Variants in FRMD4A observed in about 807,000 individuals in gnomAD.
FRMD4A encodes FERM domain containing 4A, also known as FERM domain-containing protein 4A.
In FRMD4A, 29 loss-of-function variants were observed where a neutral mutation model predicts 129.1. The ratio of observed to expected loss-of-function variants is 0.22; its 90% confidence interval spans 0.17 to 0.31. FRMD4A has a LOEUF of 0.31. FRMD4A is among the 10% of genes least tolerant of loss of function. FRMD4A has a pLI of 1.00. For synonymous variants in FRMD4A, 634 were observed against 571.6 expected, an observed-to-expected ratio of 1.11 and a Z score of -1.56; for missense variants, 1,272 against 1,375.8, an observed-to-expected ratio of 0.92 and a Z score of 1.19.
At chr10:14,289,735 C>G (rs1002830193) in intron 2 of FRMD4A, among the ~76,000 whole-genome samples, 1 of 152,062 alleles carries the variant, frequency 6.6e-6, no homozygotes. Context: ...TTATTAAATG[C>G]AATATAGGAA....
intron 14 of FRMD4A, among the ~76,000 whole-genome samples, chr10:13,698,567 T>C (rs1434472423): frequency 1.3e-5 from 2 of 152,212 alleles, no homozygotes; most frequent in Admixed American, 6.5e-5. Context: ...TTTTAGAGAA[T>C]TTAAACTTCA....
At chr10:13,763,242 T>C (rs527886421) in intron 6 of FRMD4A, among the ~76,000 whole-genome samples, 46 of 152,328 alleles carry the variant, frequency 3.0e-4, no homozygotes, top group African/African-American at 1.1e-3. Flanking sequence ...TGTTTGTTAA[T>C]GTTATTAATC....
intron 2 of FRMD4A, among the ~76,000 whole-genome samples, chr10:14,299,425 G>T (rs947246659): frequency 6.6e-6 from 1 of 152,102 alleles, no homozygotes; most frequent in African/African-American, 2.4e-5. Context: ...TCCCATGGAG[G>T]GGTACCTGCT....
chr10:13,975,770 T>TGC (rs386361672), intron 2 of FRMD4A, among the ~76,000 whole-genome samples: 3,689 of 152,180 alleles, frequency 0.024, 117 homozygotes, highest in East Asian at 0.12. Context: ...TGTGTGTGTG[T>TGC]ACACACCTTC....
At chr10:14,168,925 C>T (rs971422347) in intron 2 of FRMD4A, among the ~76,000 whole-genome samples, 1 of 151,010 alleles carries the variant, frequency 6.6e-6, no homozygotes, top group East Asian at 2.0e-4. Context: ...GTCCTGTAGC[C>T]CTCAACAGTC....
intron 2 of FRMD4A, among the ~76,000 whole-genome samples, chr10:14,231,346 G>GTTTT (rs34532314): frequency 7.0e-6 from 1 of 142,656 alleles, no homozygotes; most frequent in African/African-American, 2.6e-5. Context: ...TCTCATTGTG[G>GTTTT]TTTTTTTTTT....
intron 3 of FRMD4A, among the ~76,000 whole-genome samples, chr10:13,846,422 G>T (rs951802506): frequency 2.6e-5 from 4 of 152,240 alleles, no homozygotes; most frequent in Non-Finnish European, 1.5e-5. Flanking sequence ...GATCCCCGCA[G>T]AGCCTCCCTG....
At chr10:13,671,285 C>G (rs1427278089) in intron 16 of FRMD4A, among the ~76,000 whole-genome samples, 1 of 152,060 alleles carries the variant, frequency 6.6e-6, no homozygotes, top group East Asian at 1.9e-4. Context: ...GAAACCCTGT[C>G]TCTACTAAAA....
chr10:14,293,639 T>C (rs572102745), intron 2 of FRMD4A, among the ~76,000 whole-genome samples: 66 of 149,744 alleles, frequency 4.4e-4, no homozygotes, highest in Middle Eastern at 3.5e-3. Context: ...AAACAAGCAA[T>C]GCCCGTTGAC....
At chr10:14,186,878 G>T (rs566846098) in intron 2 of FRMD4A, among the ~76,000 whole-genome samples, 11 of 152,104 alleles carry the variant, frequency 7.2e-5, no homozygotes, top group Admixed American at 1.3e-4. Flanking sequence ...ACAGCACTTT[G>T]GGAGGCCAGG....
intron 16 of FRMD4A, among the ~76,000 whole-genome samples, chr10:13,674,346 T>C (rs1334607392): frequency 6.6e-6 from 1 of 152,214 alleles, no homozygotes; most frequent in Non-Finnish European, 1.5e-5. Context: ...GGAGATGCTT[T>C]ATGAACCACC....
chr10:14,292,961 G>A (rs2132077618), intron 2 of FRMD4A, among the ~76,000 whole-genome samples: 1 of 152,264 alleles, frequency 6.6e-6, no homozygotes, highest in East Asian at 1.9e-4. Context: ...TAAGAAGAGT[G>A]AATACATAAG....
intron 4 of FRMD4A, among the ~76,000 whole-genome samples, chr10:13,800,241 T>A (rs1354174114): frequency 6.6e-6 from 1 of 152,110 alleles, no homozygotes; most frequent in Admixed American, 6.6e-5. Context: ...GTTTTCAACA[T>A]TTACAGAAAT....
intron 15 of FRMD4A, among the ~76,000 whole-genome samples, chr10:13,681,588 A>G (rs944063105): frequency 1.3e-5 from 2 of 152,120 alleles, no homozygotes; most frequent in South Asian, 2.1e-4. Flanking sequence ...GTATATATAT[A>G]TATTTTTGTA....
At chr10:13,704,907 C>CA (rs771166757) in intron 13 of FRMD4A, among the ~76,000 whole-genome samples, 14,191 of 127,222 alleles carry the variant, frequency 0.11, 725 homozygotes, top group Non-Finnish European at 0.12. Context: ...CCAGTCTCTC[C>CA]AAAAAAAAAA....
intron 15 of FRMD4A, among the ~76,000 whole-genome samples, chr10:13,679,314 G>GC (rs2084268431): frequency 6.7e-6 from 1 of 148,172 alleles, no homozygotes; most frequent in African/African-American, 2.5e-5. Context: ...TGTAATCCCA[G>GC]CCAGTTGGGT....
At position 13,659,646 on chromosome 10, in the gene FRMD4A, C is replaced by T. The variant is rs375813092; in HGVS notation, c.1899-156G>A. On this transcript the variant is annotated intron_variant, in intron 20 of 24. Coordinates refer to ENST00000357447, the MANE Select transcript of FRMD4A (RefSeq NM_018027.5). ...ACCTCTACTGTGGTTCTCAGCCTTT[C>T]CCCAGCAGGGGGTATGCCCTCCCCC... Among the ~76,000 whole-genome samples the T allele has an allele frequency of 3.5e-4, 54 of 152,270 alleles. No homozygotes were observed. The South Asian group carries it at 0.011, about 31-fold the overall frequency.
At chr10:14,097,226 CTCTA>C (rs990650563) in intron 2 of FRMD4A, 7 of 147,362 alleles carry the variant, frequency 4.8e-5, no homozygotes, top group African/African-American at 1.7e-4. Context: ...GCTATGGATT[CTCTA>C]TCTATAGTAA....
intron 2 of FRMD4A, among the ~76,000 whole-genome samples, chr10:14,194,377 G>A (rs1011068000): frequency 1.8e-4 from 27 of 152,308 alleles, no homozygotes; most frequent in South Asian, 1.4e-3. Flanking sequence ...TTGAGAGGCC[G>A]AGGCGGGCGG....
Sources: allele counts gnomAD v4.1 joint callset (sites outside exome capture counted in the v4.1 genomes callset), GRCh38; gene constraint gnomAD v4.1.1; transcripts MANE v1.5; gene names NCBI Gene and HGNC (gene_info 2026-07-23, HGNC 2026-07-21).